The following MIS18BP1 variants were observed in gnomAD, a reference collection of about 807,000 sequenced individuals.
MIS18BP1 encodes mis18-binding protein 1.
Under a neutral mutation model 116.1 loss-of-function variants are expected in MIS18BP1, and 72 were observed. That is an observed-to-expected ratio of 0.62 (90% CI 0.51 to 0.75). MIS18BP1 has a LOEUF of 0.75. Ranked by LOEUF, MIS18BP1 falls within the 30% of genes least tolerant of loss-of-function variation. The probability of loss-of-function intolerance (pLI) is 0.00; values close to 1 mark genes in which losing one functional copy is unlikely to be tolerated. For missense variants in MIS18BP1, 1,363 were observed against 1,303.2 expected (o/e 1.05, Z -0.71); for synonymous variants, 386 against 427.0 (o/e 0.90, Z 1.18).
At chr14:45,210,986 C>T (rs1235089881) in intron 13 of MIS18BP1, among the ~76,000 whole-genome samples, 1 of 152,120 alleles carries the variant, frequency 6.6e-6, no homozygotes, top group African/African-American at 2.4e-5. Flanking sequence ...GATTTGTCAC[C>T]CTCTTTATTC....
intron 2 of MIS18BP1, among the ~76,000 whole-genome samples, chr14:45,243,622 T>C (rs1031824638): frequency 4.6e-5 from 7 of 152,144 alleles, no homozygotes; most frequent in Non-Finnish European, 1.0e-4. Context: ...GTAGTGACTA[T>C]GCTTTAATAA....
At chr14:45,209,505 T>G (rs1047472156) in intron 14 of MIS18BP1, among the ~76,000 whole-genome samples, 5 of 150,198 alleles carry the variant, frequency 3.3e-5, no homozygotes, top group Non-Finnish European at 3.0e-5. Context: ...CATTTTTGGG[T>G]TTTTTTTGTA....
In MIS18BP1 at chr14:45,212,100, C is replaced by T. The variant is rs536094319; in HGVS notation, c.3004-1572G>A. 5.3e-5 allele frequency among the ~76,000 whole-genome samples: 8 copies of T among 152,252 alleles called. No homozygotes were observed. The South Asian group carries it at 1.7e-3, about 32-fold the overall frequency. On this transcript the variant is annotated intron_variant, in intron 13 of 16. Transcript: ENST00000310806. Reference sequence around the variant, plus strand: ...CAGGGCTTTGCTCACATTGGACTGTCCCCTGGGGAGGGCCGTTTGAAACTG... The same window carrying T: ...CAGGGCTTTGCTCACATTGGACTGTTCCCTGGGGAGGGCCGTTTGAAACTG...
rs1237100141 is a variant in MIS18BP1, at chr14:45,242,086, A to T, written c.1091T>A (p.Leu364His). The change falls in exon 4 of 17, where the codon CTT becomes CAT. Residue 364 changes from leucine to histidine, a missense_variant. By Grantham distance (99) the Leu-to-His change is moderately conservative. Transcript: ENST00000310806. ...PRRSKRNISKLSPPRIFQTVT... is the reference protein window; with the variant it reads ...PRRSKRNISKHSPPRIFQTVT... ...AGTTTGAAATATTCTTGGAGGAGAA[A>T]GCTTTGAAATATTTCTTTTTGACCT... is the stretch of plus-strand genomic sequence containing the variant. The T allele has an allele frequency of 1.2e-6, 2 of 1,613,414 alleles. No homozygotes were observed. Among genetic ancestry groups the T allele is most frequent in the Non-Finnish European group, 1.7e-6 (2 of 1,179,842 alleles).
chr14:45,207,519 C>T (rs1890550358), intron 14 of MIS18BP1, among the ~76,000 whole-genome samples: 1 of 152,116 alleles, frequency 6.6e-6, no homozygotes, highest in Non-Finnish European at 1.5e-5. Flanking sequence ...GGCACGGTGG[C>T]ATGCGCCTGT....
chr14:45,215,306 C>T (rs1179216120), intron 13 of MIS18BP1, among the ~76,000 whole-genome samples: 1 of 152,102 alleles, frequency 6.6e-6, no homozygotes, highest in Non-Finnish European at 1.5e-5. Flanking sequence ...AATTTTATGA[C>T]AAGAAATTGG....
At chr14:45,223,087 A>AAAAC (rs2139180022) in intron 11 of MIS18BP1, among the ~76,000 whole-genome samples, 1 of 152,280 alleles carries the variant, frequency 6.6e-6, no homozygotes, top group South Asian at 2.1e-4. Flanking sequence ...AAAACAAAAC[A>AAAAC]AAACAAAACA....
Position 45,224,040 on chromosome 14 carries a change from C to G in MIS18BP1, c.2547G>C (p.Arg849Ser), listed in dbSNP as rs1367425841. Residue 849 changes from arginine to serine, a missense_variant, in exon 11 of 17, where the codon AGG (arginine) becomes AGC (serine). By Grantham distance (110) the Arg-to-Ser change is moderately radical. Coordinates refer to ENST00000310806, the MANE Select transcript of MIS18BP1 (RefSeq NM_018353.5). ...CTGCCTCAGTAATTGGAAACTCTTT[C>G]CTAACACCAGACTTCTGAAGAGTTT... ...VKETLQKSGVRKEFPITEAVG... is the reference protein window; with the variant it reads ...VKETLQKSGVSKEFPITEAVG... 1 of 1,613,860 alleles carries G rather than the reference C, an allele frequency of 6.2e-7. No individual in the cohort carries two copies.
In MIS18BP1 at chr14:45,218,263, T is replaced by C. The variant is rs1234917870; in HGVS notation, c.2842+19A>G. 6.2e-6 allele frequency: 10 copies of C among 1,607,914 alleles called. No homozygotes were observed. Among genetic ancestry groups the C allele is most frequent in the South Asian group, 4.5e-5 (4 of 89,630 alleles). On this transcript the variant is annotated intron_variant, in intron 12 of 16. Coordinates refer to ENST00000310806, the MANE Select transcript of MIS18BP1 (RefSeq NM_018353.5). ...CAACACTGAGTACTAGGAAAAAAAC[T>C]ATTTACTACGAAGGTTACCATTTTG...
At chr14:45,206,269 A>C in intron 14 of MIS18BP1, 99 bp from the exon 15 acceptor site, 1 of 744,570 alleles carries the variant, frequency 1.3e-6, no homozygotes, top group Non-Finnish European at 2.2e-6. Flanking sequence ...TTGAACAACA[A>C]TTGCCTAAAT....
intron 7 of MIS18BP1, 132 bp from the exon 8 acceptor site, chr14:45,231,430 CATT>C: frequency 1.4e-6 from 1 of 724,910 alleles, no homozygotes; most frequent in African/African-American, 1.8e-5. Flanking sequence ...TTTAATCTTA[CATT>C]ATTAATCCTT....
intron 2 of MIS18BP1, among the ~76,000 whole-genome samples, chr14:45,244,905 A>G (rs921754875): frequency 1.3e-5 from 2 of 152,232 alleles, no homozygotes; most frequent in African/African-American, 4.8e-5. Context: ...GCATTAGATT[A>G]TATTTCCTCT....
At chr14:45,217,247 A>C (rs748353785) in intron 12 of MIS18BP1, 68 bp from the exon 13 acceptor site, 2 of 1,524,806 alleles carry the variant, frequency 1.3e-6, no homozygotes. Flanking sequence ...TAAAGTTAAC[A>C]ACCTTTGCAA....
chr14:45,217,239 A>C, intron 12 of MIS18BP1, 60 bp from the exon 13 acceptor site: 1 of 1,553,680 alleles, frequency 6.4e-7, no homozygotes, highest in Non-Finnish European at 8.7e-7. Context: ...CTGCTCTATA[A>C]AGTTAACAAC....
intron 7 of MIS18BP1, 105 bp downstream of exon 7, chr14:45,232,628 C>A (rs763396937): frequency 2.9e-6 from 2 of 682,842 alleles, no homozygotes; most frequent in African/African-American, 3.6e-5. Context: ...AACCCCATCT[C>A]TATTAAAAAT....
At chr14:45,230,088 CTA>C (rs1891234132) in intron 8 of MIS18BP1, among the ~76,000 whole-genome samples, 1 of 152,144 alleles carries the variant, frequency 6.6e-6, no homozygotes, top group Non-Finnish European at 1.5e-5. Flanking sequence ...CAGTATGGTG[CTA>C]TGTTTTTGGC....
chr14:45,240,820 T>G (rs889634885), intron 4 of MIS18BP1, among the ~76,000 whole-genome samples: 2 of 151,978 alleles, frequency 1.3e-5, no homozygotes, highest in East Asian at 3.9e-4. Flanking sequence ...GAGATTTGCA[T>G]GAACCTGGAA....
intron 4 of MIS18BP1, among the ~76,000 whole-genome samples, chr14:45,239,607 T>C (rs1319147301): frequency 6.6e-6 from 1 of 152,190 alleles, no homozygotes; most frequent in Admixed American, 6.5e-5. Context: ...GTGTTTTCTA[T>C]TGAGATGACA....
At position 45,220,067 on chromosome 14, in the gene MIS18BP1, G is replaced by A. The variant is rs1230591801; in HGVS notation, c.2670-1613C>T. Among the ~76,000 whole-genome samples, 2 of 151,768 alleles carry A rather than the reference G, an allele frequency of 1.3e-5. 1 individual carries two copies. Among genetic ancestry groups the A allele is most frequent in the East Asian group, 3.9e-4 (2 of 5,170 alleles). On this transcript the variant is annotated intron_variant, in intron 11 of 16. Transcript: ENST00000310806. The stretch of plus-strand genomic sequence containing the variant: ...TGTACTGCTCTTTGGTCAACTTTCA[G>A]TATTCCATTCATTCTAGCTTTCTTT...
Sources: allele counts gnomAD v4.1 joint callset (sites outside exome capture counted in the v4.1 genomes callset), GRCh38; gene constraint gnomAD v4.1.1; transcripts MANE v1.5; gene names NCBI Gene and HGNC (gene_info 2026-07-23, HGNC 2026-07-21).